The following PRR36 variants were observed in gnomAD, a reference collection of about 807,000 sequenced individuals.
PRR36 encodes the protein proline-rich protein 36.
PRR36 carries 30 observed loss-of-function variants against 58.6 expected under a neutral mutation model. The observed-to-expected ratio is 0.51, with a 90% CI of 0.38 to 0.69. The LOEUF is 0.69. PRR36 is among the 30% of genes least tolerant of loss of function. The pLI, the probability that PRR36 is intolerant of heterozygous loss-of-function variation, is 0.00. For synonymous variants in PRR36, 771 were observed against 829.3 expected (o/e 0.93, Z 1.21); for missense variants, 1,692 against 1,805.6 (o/e 0.94, Z 1.14).
Position 7,871,414 on chromosome 19 carries a change from A to G in PRR36, c.1830T>C (p.Ser610=). The G allele has an allele frequency of 6.5e-7, 1 of 1,535,836 alleles. No homozygotes were observed. The highest frequency in any genetic ancestry group is 1.2e-5 in the South Asian group (1 of 84,064). Residue 610 remains serine, a synonymous_variant, in exon 5 of 6, where the codon TCT becomes TCC. Transcript: ENST00000618550. ...AGCCCAAAGAAGTTGTGGCCTGCAG[A>G]GAGGACAAAGCCAGAGGAGAGGGAG... ...QAPPSPLALS[S]LQATTSLGSP... is the part of the protein sequence containing the mutation.
rs531574127 is a variant in PRR36, at chr19:7,869,025, G to A, written c.*8C>T. The A allele has an allele frequency of 7.5e-5, 113 of 1,506,396 alleles. No individual in the cohort carries two copies. The highest frequency in any genetic ancestry group is 9.5e-5 in the Non-Finnish European group (108 of 1,131,380). The allele number at this position is 1,506,396 out of a possible 1,614,324, so 93.3% of individuals were successfully genotyped here. A position where few individuals can be genotyped will look rare whatever the true frequency, so the allele number is the denominator to read the frequency against. On this transcript the variant is annotated 3_prime_UTR_variant, in exon 6 of 6. Coordinates refer to ENST00000618550, the MANE Select transcript of PRR36 (RefSeq NM_001190467.2). ...GGTGGGGTGTAGCAGGCGGGGCTGT[G>A]GTCTGGCTCAGTGGAAGGTCTCCAC...
Position 7,873,208 on chromosome 19 carries a change from G to A in PRR36, c.363C>T (p.Ser121=), listed in dbSNP as rs768756437. The change falls in exon 3 of 6, where the codon AGC becomes AGT. Residue 121 remains serine (S), a synonymous_variant. Transcript: ENST00000618550. This position sits in a 1 kb window ranked among gnomAD's most constrained non-coding sequence, Gnocchi z 5.0. ...AGGGAGCAGGTTACCTGGTGGTCCC[G>A]CTGGCACGCCCTGGGCTAGAAACAG... The part of the protein sequence containing the change: ...PGPVSSPGRA[S]GTTRPGPLGQ... 7 of 1,535,970 alleles carry A rather than the reference G, an allele frequency of 4.6e-6. No homozygotes were observed. The South Asian group carries it at 8.3e-5, about 18-fold the overall frequency.
Position 7,871,171 on chromosome 19 carries a change from T to G in PRR36, c.2073A>C (p.Leu691=), listed in dbSNP as rs991297057. The change falls in exon 5 of 6, where the codon CTA becomes CTC. Residue 691 remains leucine, a synonymous_variant. Transcript: ENST00000618550. The part of the protein sequence containing the change: ...SPLTIHPLQA[L]SSLASHSPQA... Reference sequence around the variant, plus strand: ...GAGGAGAGTGGGAGGCCAGAGAAGATAGCGCCTGCAGAGGGTGTATGGTCA... The same window carrying G: ...GAGGAGAGTGGGAGGCCAGAGAAGAGAGCGCCTGCAGAGGGTGTATGGTCA... 2.0e-6 allele frequency: 3 copies of G among 1,531,118 alleles called. No homozygotes were observed. Among genetic ancestry groups the G allele is most frequent in the Non-Finnish European group, 2.6e-6 (3 of 1,146,090 alleles). The allele number at this position is 1,531,118 out of a possible 1,614,324, so 94.8% of individuals were successfully genotyped here.
chr19:7,871,488 G>A lies in PRR36; in HGVS notation c.1756C>T (p.Pro586Ser), dbSNP rs1169237811. 4.6e-6 allele frequency: 7 copies of A among 1,535,584 alleles called. No homozygotes were observed. The highest frequency in any genetic ancestry group is 6.1e-6 in the Non-Finnish European group (7 of 1,146,718). The stretch of plus-strand genomic sequence containing the variant: ...AGAGAATGTGGGACCTGTATTGGGG[G>A]AATGGTCTGGAGAGAGGGCGGGGCC... ...MQAPPSLQTI[P>S]PIQVPHSLTS... Residue 586 changes from proline to serine, a missense_variant, in exon 5 of 6, where the codon CCC becomes TCC. Pro to Ser is a moderately conservative substitution (Grantham distance 74, BLOSUM62 -1). This residue lies in a region of PRR36 where 975 missense variants were observed against 955.2 expected (regional missense o/e 1.02). Coordinates refer to ENST00000618550, the MANE Select transcript of PRR36 (RefSeq NM_001190467.2).
chr19:7,873,741 G>A lies in PRR36; in HGVS notation c.-7-45C>T, dbSNP rs1980581040. 3 of 1,505,042 alleles carry A rather than the reference G, an allele frequency of 2.0e-6. No individual in the cohort carries two copies. Among genetic ancestry groups the A allele is most frequent in the East Asian group, 4.9e-5 (2 of 40,532 alleles). The allele number at this position is 1,505,042 out of a possible 1,614,324, so 93.2% of individuals were successfully genotyped here. A position where few individuals can be genotyped will look rare whatever the true frequency, so the allele number is the denominator to read the frequency against. On this transcript the variant is annotated intron_variant, in intron 1 of 5. Coordinates refer to ENST00000618550, the MANE Select transcript of PRR36 (RefSeq NM_001190467.2). This position sits in a 1 kb window ranked among gnomAD's most constrained non-coding sequence, Gnocchi z 5.0. ...CGCATCCCAGGTTCTGGACAGCTAC[G>A]CCGCCTCCAGAGACCTGGACCCTGC...
rs867950984 is a variant in PRR36 at position 7,872,721 on chromosome 19, C to G, written c.523G>C (p.Ala175Pro). 1.4e-6 allele frequency: 2 copies of G among 1,447,762 alleles called. No individual in the cohort carries two copies. Among genetic ancestry groups the G allele is most frequent in the East Asian group, 5.0e-5 (2 of 39,706 alleles). The allele number at this position is 1,447,762 out of a possible 1,614,324, so 89.7% of individuals were successfully genotyped here. The change falls in exon 5 of 6, where the codon GCC (alanine) becomes CCC (proline). Residue 175 changes from alanine (A) to proline (P), a missense_variant. By Grantham distance (27) the Ala-to-Pro change is conservative. Around this residue, in one of 5 missense-constraint regions of PRR36, gnomAD observed 975 missense variants for 955.2 expected, o/e 1.02. Coordinates refer to ENST00000618550, the MANE Select transcript of PRR36 (RefSeq NM_001190467.2). The surrounding 1 kb of genome is among the most constrained non-coding windows in gnomAD (Gnocchi z 6.1). The part of the protein sequence containing the change: ...SGPTPGTPSP[A>P]MARRSRAAGT... The stretch of plus-strand genomic sequence containing the variant: ...GCAGCCCGGGACCGACGGGCCATGG[C>G]CGGGGACGGGGTTCCTGGGGTAGGC...
chr19:7,873,766 C>A lies in PRR36; in HGVS notation c.-7-70G>T. ...GCCGCCTCCAGAGACCTGGACCCTGCTACCTCACTGCCCTTTCGCAGCATC... is the reference window on the plus strand; with the variant it reads ...GCCGCCTCCAGAGACCTGGACCCTGATACCTCACTGCCCTTTCGCAGCATC... On this transcript the variant is annotated intron_variant, in intron 1 of 5. Transcript: ENST00000618550. The surrounding 1 kb of genome is among the most constrained non-coding windows in gnomAD (Gnocchi z 5.0). 1 of 1,417,630 alleles carries A rather than the reference C, an allele frequency of 7.1e-7. No individual in the cohort carries two copies. Among genetic ancestry groups the A allele is most frequent in the South Asian group, 1.3e-5 (1 of 74,276 alleles). The allele number at this position is 1,417,630 out of a possible 1,614,324, so 87.8% of individuals were successfully genotyped here. A position where few individuals can be genotyped will look rare whatever the true frequency, so the allele number is the denominator to read the frequency against.
At position 7,868,977 on chromosome 19, in the gene PRR36, G is replaced by T; in HGVS notation, c.*56C>A. ...GGGGTCTAAAACAAACGGCGTACCC[G>T]GAGGGGCGGATCCTAAGGCAGGGGT... On this transcript the variant is annotated 3_prime_UTR_variant, in exon 6 of 6. Transcript: ENST00000618550. 1 of 1,452,288 alleles carries T rather than the reference G, an allele frequency of 6.9e-7. No individual in the cohort carries two copies. Among genetic ancestry groups the T allele is most frequent in the Non-Finnish European group, 9.1e-7 (1 of 1,103,372 alleles). 90.0% of individuals were successfully genotyped at this position (1,452,288 alleles called of 1,614,324 possible).
rs1342133848 is a variant in PRR36, at chr19:7,873,223, G to A, written c.348C>T (p.Ser116=). The change falls in exon 3 of 6, where the codon AGC becomes AGT. Residue 116 remains serine, a synonymous_variant. Coordinates refer to ENST00000618550, the MANE Select transcript of PRR36 (RefSeq NM_001190467.2). The surrounding 1 kb of genome is among the most constrained non-coding windows in gnomAD (Gnocchi z 5.0). ...TGGTGGTCCCGCTGGCACGCCCTGG[G>A]CTAGAAACAGGGCCTGGGCTGGTGT... ...AKNTSPGPVS[S]PGRASGTTRP... 1 of 1,535,918 alleles carries A rather than the reference G, an allele frequency of 6.5e-7. No homozygotes were observed. The highest frequency in any genetic ancestry group is 1.4e-5 in the African/African-American group (1 of 73,036).
Position 7,870,579 on chromosome 19 carries a change from G to A in PRR36, c.2665C>T (p.Pro889Ser). 2 of 905,512 alleles carry A rather than the reference G, an allele frequency of 2.2e-6. No homozygotes were observed. Among genetic ancestry groups the A allele is most frequent in the South Asian group, 2.7e-5 (1 of 37,420 alleles). 56.1% of individuals were successfully genotyped at this position (905,512 alleles called of 1,614,324 possible). A position where few individuals can be genotyped will look rare whatever the true frequency, so the allele number is the denominator to read the frequency against. The change falls in exon 5 of 6, where the codon CCC (proline) becomes TCC (serine). Residue 889 changes from proline (P) to serine (S), a missense_variant. Pro to Ser is a moderately conservative substitution (Grantham distance 74, BLOSUM62 -1). Transcript: ENST00000618550. ...AVHLLQAPFS[P>S]PPSPPVQAPF... ...GCCTGCACTGGGGGTGAGGGAGGGG[G>A]AGAGAAAGGGGCCTGCAGAAGGTGC...
chr19:7,869,897 C>T lies in PRR36; in HGVS notation c.3347G>A (p.Gly1116Asp). ...PSRSPSSTLS[G>D]PDLAGHSSSA... ...GCTGCTGTGGCCGGCCAGGTCTGGG[C>T]CGCTCAGCGTGCTGGACGGGCTGCG... The change falls in exon 5 of 6, where the codon GGC (glycine) becomes GAC (aspartate). Residue 1116 changes from glycine (G) to aspartate (D), a missense_variant. By Grantham distance (94) the Gly-to-Asp change is moderately conservative. This residue lies in a region of PRR36 where 485 missense variants were observed against 549.2 expected (regional missense o/e 0.88). Transcript: ENST00000618550. The T allele has an allele frequency of 1.5e-6, 2 of 1,362,400 alleles. No homozygotes were observed. Among genetic ancestry groups the T allele is most frequent in the Non-Finnish European group, 1.9e-6 (2 of 1,065,048 alleles). The allele number at this position is 1,362,400 out of a possible 1,614,324, so 84.4% of individuals were successfully genotyped here. A position where few individuals can be genotyped will look rare whatever the true frequency, so the allele number is the denominator to read the frequency against.
In PRR36 at chr19:7,871,573, C is replaced by T. The variant is rs372644059; in HGVS notation, c.1671G>A (p.Pro557=). The part of the protein sequence containing the change: ...PLVSPSLLAS[P]PLQAPPHPQA... ...GTGGGTGGGGCGGAGCCTGCAGAGG[C>T]GGTGAGGCCAAAAGAGAGGGAGAAA... The change falls in exon 5 of 6, where the codon CCG becomes CCA. Residue 557 remains proline (P), a synonymous_variant. Transcript: ENST00000618550. 47 of 1,534,748 alleles carry T rather than the reference C, an allele frequency of 3.1e-5. No individual in the cohort carries two copies. In the South Asian group the frequency reaches 4.4e-4, roughly 14 times the overall value.
Position 7,872,253 on chromosome 19 carries a change from G to A in PRR36, c.991C>T (p.Leu331Phe), listed in dbSNP as rs1980495756. 6.9e-7 allele frequency: 1 copy of A among 1,456,152 alleles called. No homozygotes were observed. Among genetic ancestry groups the A allele is most frequent in the African/African-American group, 1.4e-5 (1 of 70,276 alleles). 90.2% of individuals were successfully genotyped at this position (1,456,152 alleles called of 1,614,324 possible). A position where few individuals can be genotyped will look rare whatever the true frequency, so the allele number is the denominator to read the frequency against. ...DNAATPLPAT[L>F]PPSPPVTPPP... ...GGCGTTACCGGTGGAGAGGGAGGGA[G>A]CGTGGCTGGCAGGGGAGTGGCTGCA... Residue 331 changes from leucine (L) to phenylalanine (F), a missense_variant, in exon 5 of 6, where the codon CTC becomes TTC. Leu to Phe is a conservative substitution (Grantham distance 22, BLOSUM62 0). This residue lies in a region of PRR36 where 975 missense variants were observed against 955.2 expected (regional missense o/e 1.02). Transcript: ENST00000618550. This position sits in a 1 kb window ranked among gnomAD's most constrained non-coding sequence, Gnocchi z 6.1.
In PRR36 at chr19:7,873,010, C is replaced by T. The variant is rs1035034478; in HGVS notation, c.375-49G>A. ...CAGGCCTAGGTCTTTGTTTGGCTTC[C>T]CAAGTCTCTATTTTCCCATCTGTGA... On this transcript the variant is annotated intron_variant, in intron 3 of 5. Transcript: ENST00000618550. The surrounding 1 kb of genome is among the most constrained non-coding windows in gnomAD (Gnocchi z 5.0). 17 of 1,469,044 alleles carry T rather than the reference C, an allele frequency of 1.2e-5. No homozygotes were observed. The highest frequency in any genetic ancestry group is 1.4e-5 in the Non-Finnish European group (15 of 1,090,494). 91.0% of individuals were successfully genotyped at this position (1,469,044 alleles called of 1,614,324 possible). A position where few individuals can be genotyped will look rare whatever the true frequency, so the allele number is the denominator to read the frequency against.
chr19:7,870,769 C>A lies in PRR36; in HGVS notation c.2475G>T (p.Leu825Phe). 7.2e-7 allele frequency: 1 copy of A among 1,397,822 alleles called. No homozygotes were observed. The highest frequency in any genetic ancestry group is 9.2e-7 in the Non-Finnish European group (1 of 1,081,708). The allele number at this position is 1,397,822 out of a possible 1,614,324, so 86.6% of individuals were successfully genotyped here. The change falls in exon 5 of 6, where the codon TTG becomes TTT. Residue 825 changes from leucine (L) to phenylalanine (F), a missense_variant. Physicochemically the swap from Leu to Phe is conservative, Grantham distance 22 (BLOSUM62 0). Transcript: ENST00000618550. The part of the protein sequence containing the change: ...QAPPALASPP[L>F]QGLPSPPLSP... ...ACAGAGGGGGAGAGGGCAGGCCCTG[C>A]AAAGGGGGTGAGGCCAGAGCAGGTG...
chr19:7,870,502 AG>A lies in PRR36; in HGVS notation c.2741del (p.Pro914LeufsTer8). The A allele has an allele frequency of 3.7e-6, 3 of 807,360 alleles. No homozygotes were observed. Among genetic ancestry groups the A allele is most frequent in the Non-Finnish European group, 2.9e-6 (2 of 681,738 alleles). 50.0% of individuals were successfully genotyped at this position (807,360 alleles called of 1,614,324 possible). The stretch of plus-strand genomic sequence containing the variant: ...CGGCTAGAGAGGGTGGGGCCTGTGA[AG>A]GGGGCGTGGCCGAAGGAGACACTGG... ...SPPVSPSATP[P>X]SQAPPSLAAP... On this transcript the variant is annotated frameshift_variant, in exon 5 of 6. Coordinates refer to ENST00000618550, the MANE Select transcript of PRR36 (RefSeq NM_001190467.2). LOFTEE classifies it high-confidence loss of function.
In PRR36 at chr19:7,869,440, C is replaced by T. The variant is rs898376549; in HGVS notation, c.3634G>A (p.Ala1212Thr). The T allele has an allele frequency of 4.0e-6, 6 of 1,501,166 alleles. No homozygotes were observed. Among genetic ancestry groups the T allele is most frequent in the East Asian group, 5.6e-5 (2 of 35,602 alleles). 93.0% of individuals were successfully genotyped at this position (1,501,166 alleles called of 1,614,324 possible). A position where few individuals can be genotyped will look rare whatever the true frequency, so the allele number is the denominator to read the frequency against. ...CCGGGACTGGGCCCCGGATCCAGTG[C>T]GCCAGGGGCGGGGGTCGCCGACTCG... The part of the protein sequence containing the change: ...GPESATPAPG[A>T]LDPGPSPGTS... Residue 1212 changes from alanine to threonine, a missense_variant, in exon 6 of 6, where the codon GCA (alanine) becomes ACA (threonine). Ala to Thr is a moderately conservative substitution (Grantham distance 58). Transcript: ENST00000618550.
chr19:7,869,639 G>T, intron 5 of PRR36, 76 bp downstream of exon 5: 1 of 1,432,334 alleles, frequency 7.0e-7, no homozygotes, highest in Non-Finnish European at 9.1e-7. Context: ...CCCGGACCCA[G>T]CTGTCCCGCC....
Position 7,871,550 on chromosome 19 carries a change from G to A in PRR36, c.1694C>T (p.Pro565Leu), listed in dbSNP as rs2145069429. The stretch of plus-strand genomic sequence containing the variant: ...CGTAGTCATAGAAGGTGGGGCCTGT[G>A]GGTGGGGCGGAGCCTGCAGAGGCGG... ...ASPPLQAPPH[P>L]QAPPSMTTPP... Residue 565 changes from proline (P) to leucine (L), a missense_variant, in exon 5 of 6, where the codon CCA becomes CTA. Pro to Leu is a moderately conservative substitution (Grantham distance 98, BLOSUM62 -3). Around this residue, in one of 5 missense-constraint regions of PRR36, gnomAD observed 975 missense variants for 955.2 expected, o/e 1.02. Transcript: ENST00000618550. 5.9e-6 allele frequency: 9 copies of A among 1,535,620 alleles called. No homozygotes were observed. The highest frequency in any genetic ancestry group is 1.2e-5 in the South Asian group (1 of 84,050).
Sources: allele counts gnomAD v4.1 joint callset, GRCh38; gene constraint gnomAD v4.1.1; regional missense constraint gnomAD v4.1.1; non-coding constraint Gnocchi (gnomAD v3.1); transcripts MANE v1.5; gene names NCBI Gene and HGNC (gene_info 2026-07-23, HGNC 2026-07-21).